Variants in SLCO1B1 observed in about 807,000 individuals in gnomAD.
SLCO1B1 encodes OATP-2.
A neutral mutation model predicts 70.1 loss-of-function variants in SLCO1B1; 81 were observed. The observed-to-expected ratio is 1.16, with a 90% confidence interval of 0.97 to 1.39. The LOEUF (loss-of-function observed/expected upper bound fraction) is 1.39, where lower values mean the gene tolerates loss of function less well. Among genes scored for constraint, SLCO1B1 ranks in the 40% most tolerant of loss-of-function variants. The pLI is 0.00. For missense variants in SLCO1B1, 895 were observed against 799.6 expected (o/e 1.12, Z -1.44); for synonymous variants, 283 against 271.5 (o/e 1.04, Z -0.42).
chr12:21,167,186 A>G (rs912852578), intron 2 of SLCO1B1, among the ~76,000 whole-genome samples: 3 of 152,224 alleles, frequency 2.0e-5, no homozygotes, highest in African/African-American at 7.2e-5. Flanking sequence ...GTTTTTTATA[A>G]TAATCCTCTT....
At chr12:21,133,069 G>A (rs182776818) in intron 1 of SLCO1B1, among the ~76,000 whole-genome samples, 1,804 of 152,130 alleles carry the variant, frequency 0.012, 47 homozygotes, top group African/African-American at 0.041. Context: ...AGTTTTCCCA[G>A]CATCATTTAT....
At chr12:21,135,133 G>A (rs1303560834) in intron 1 of SLCO1B1, among the ~76,000 whole-genome samples, 2 of 152,168 alleles carry the variant, frequency 1.3e-5, no homozygotes, top group African/African-American at 2.4e-5. Flanking sequence ...TTTCCATGCA[G>A]TTGAGCAGTT....
In SLCO1B1 at chr12:21,168,181, T is replaced by G. The variant is rs116815620; in HGVS notation, c.85-4469T>G. On this transcript the variant is annotated intron_variant, in intron 2 of 14. Coordinates refer to ENST00000256958, the MANE Select transcript of SLCO1B1 (RefSeq NM_006446.5). ...ATCTCTCCTTTCGTGACTGGCTTAT[T>G]TAGCTTAGCATAATGTCCTTGAGGT... Among the ~76,000 whole-genome samples the G allele has an allele frequency of 7.1e-3, 1,066 of 150,920 alleles. 15 individuals are homozygous for G. Among genetic ancestry groups the G allele is most frequent in the African/African-American group, 0.024 (990 of 41,474 alleles).
chr12:21,167,801 T>C (rs1191890650), intron 2 of SLCO1B1, among the ~76,000 whole-genome samples: 1 of 151,560 alleles, frequency 6.6e-6, no homozygotes, highest in Non-Finnish European at 1.5e-5. Context: ...AATATTTCTT[T>C]CTTTTTTCTT....
intron 1 of SLCO1B1, among the ~76,000 whole-genome samples, chr12:21,134,812 G>GT (rs1164673228): frequency 9.9e-5 from 15 of 152,078 alleles, no homozygotes; most frequent in Non-Finnish European, 1.8e-4. Context: ...TTTTTGAAGG[G>GT]TTTTTTGTGT....
intron 10 of SLCO1B1, among the ~76,000 whole-genome samples, chr12:21,205,215 T>A (rs1033161676): frequency 2.6e-5 from 4 of 151,952 alleles, no homozygotes; most frequent in Non-Finnish European, 2.9e-5. Flanking sequence ...ATATATTTTA[T>A]AATTTTAGCT....
intron 5 of SLCO1B1, 26 bp downstream of exon 5, chr12:21,176,923 A>T (rs1438095294): frequency 6.6e-7 from 1 of 1,506,236 alleles, no homozygotes. Flanking sequence ...GACAGTAAAA[A>T]GTCTTCTAAA....
intron 2 of SLCO1B1, among the ~76,000 whole-genome samples, chr12:21,168,971 C>A (rs1940725997): frequency 6.6e-6 from 1 of 151,780 alleles, no homozygotes; most frequent in African/African-American, 2.4e-5. Flanking sequence ...TGAAGCTTTT[C>A]TTTTATTTTT....
chr12:21,134,884 T>C (rs1175678146), intron 1 of SLCO1B1, among the ~76,000 whole-genome samples: 3 of 152,168 alleles, frequency 2.0e-5, no homozygotes, highest in Non-Finnish European at 4.4e-5. Flanking sequence ...AGCTTTTGAA[T>C]GTGTTTGCTC....
At chr12:21,222,048 A>G (rs938462740) in intron 12 of SLCO1B1, among the ~76,000 whole-genome samples, 2 of 152,094 alleles carry the variant, frequency 1.3e-5, no homozygotes, top group Non-Finnish European at 2.9e-5. Flanking sequence ...TAGGATTTTC[A>G]TAAGTACCAT....
intron 1 of SLCO1B1, among the ~76,000 whole-genome samples, chr12:21,132,157 G>C (rs1347214550): frequency 6.6e-6 from 1 of 152,104 alleles, no homozygotes; most frequent in Non-Finnish European, 1.5e-5. Flanking sequence ...CCCTACAAAG[G>C]ACATAAACTC....
At chr12:21,218,232 T>C (rs945261180) in intron 12 of SLCO1B1, among the ~76,000 whole-genome samples, 5 of 152,084 alleles carry the variant, frequency 3.3e-5, no homozygotes, top group Non-Finnish European at 7.4e-5. Flanking sequence ...GAATGAGAGG[T>C]TGTGACACAT....
chr12:21,217,246 T>C lies in SLCO1B1; in HGVS notation c.1625T>C (p.Val542Ala), dbSNP rs1565442027. ...RKFYFFVAIQ[V>A]LNLFFSALGG... is the part of the protein sequence containing the mutation. ...TTTTACTTTTTTGTTGCAATACAAGTCTTGAATTTATTTTTCTCTGCACTT... is the reference window on the plus strand; with the variant it reads ...TTTTACTTTTTTGTTGCAATACAAGCCTTGAATTTATTTTTCTCTGCACTT... Residue 542 changes from valine (V) to alanine (A), a missense_variant, in exon 12 of 15, where the codon GTC (valine) becomes GCC (alanine). By Grantham distance (64) the Val-to-Ala change is moderately conservative. Coordinates refer to ENST00000256958, the MANE Select transcript of SLCO1B1 (RefSeq NM_006446.5). 6.2e-7 allele frequency: 1 copy of C among 1,613,748 alleles called. No individual in the cohort carries two copies. The highest frequency in any genetic ancestry group is 8.5e-7 in the Non-Finnish European group (1 of 1,179,750).
intron 12 of SLCO1B1, among the ~76,000 whole-genome samples, 155 bp downstream of exon 12, chr12:21,217,458 C>G (rs1345134734): frequency 1.3e-5 from 2 of 152,074 alleles, no homozygotes; most frequent in African/African-American, 2.4e-5. Flanking sequence ...ACTATGAACT[C>G]TCAAGGCTGT....
chr12:21,175,030 C>T (rs1940802489), intron 4 of SLCO1B1, among the ~76,000 whole-genome samples: 1 of 152,150 alleles, frequency 6.6e-6, no homozygotes, highest in African/African-American at 2.4e-5. Context: ...GACCTCAACA[C>T]TTACACCTAT....
Position 21,141,572 on chromosome 12 carries a change from A to C in SLCO1B1, c.-3A>C, listed in dbSNP as rs180888034. ...ACATTTGTATGATATCTATATTTCA[A>C]TCATGGACCAAAATCAACATTTGAA... On this transcript the variant is annotated 5_prime_UTR_variant, in exon 2 of 15. Coordinates refer to ENST00000256958, the MANE Select transcript of SLCO1B1 (RefSeq NM_006446.5). 197 of 1,600,182 alleles carry C rather than the reference A, an allele frequency of 1.2e-4. 2 individuals are homozygous for C. In the East Asian group the frequency reaches 4.4e-3, roughly 36 times the overall value.
At chr12:21,226,403 GACTC>G (rs2121196200) in intron 14 of SLCO1B1, among the ~76,000 whole-genome samples, 1 of 150,430 alleles carries the variant, frequency 6.6e-6, no homozygotes, top group South Asian at 2.1e-4. Context: ...GACAGAGCGA[GACTC>G]TGTCTCAAAA....
intron 12 of SLCO1B1, among the ~76,000 whole-genome samples, chr12:21,218,674 AT>A (rs1385218046): frequency 2.0e-5 from 3 of 152,346 alleles, no homozygotes; most frequent in Middle Eastern, 3.4e-3. Flanking sequence ...CATATTAAAA[AT>A]AACCTTAAAA....
intron 7 of SLCO1B1, among the ~76,000 whole-genome samples, chr12:21,186,958 TA>T (rs1219539787): frequency 6.6e-6 from 1 of 152,064 alleles, no homozygotes; most frequent in Non-Finnish European, 1.5e-5. Context: ...GATTTGGGTT[TA>T]AAAATTTTCA....
Sources: gnomAD v4.1 joint callset for allele counts (sites outside exome capture counted in the v4.1 genomes callset) on GRCh38, gnomAD v4.1.1 for gene constraint, MANE v1.5 for transcripts, NCBI Gene and HGNC (gene_info 2026-07-23, HGNC 2026-07-21) for gene names.